The following DLGAP2 variants were observed in gnomAD, a reference collection of about 807,000 sequenced individuals.
DLGAP2 encodes DLG associated protein 2, also known as disks large-associated protein 2.
Under a neutral mutation model 100.3 loss-of-function variants are expected in DLGAP2, and 26 were observed. The observed-to-expected ratio is 0.26, with a 90% confidence interval of 0.19 to 0.36. The LOEUF (loss-of-function observed/expected upper bound fraction) is 0.36, where lower values mean the gene tolerates loss of function less well. Ranked by LOEUF, DLGAP2 falls within the 10% of genes least tolerant of loss-of-function variation. DLGAP2 has a pLI of 1.00. For synonymous variants in DLGAP2, 886 were observed against 630.1 expected, an observed-to-expected ratio of 1.41 and a Z score of -6.08; for missense variants, 1,858 against 1,453.2, an observed-to-expected ratio of 1.28 and a Z score of -4.53.
intron 2 of DLGAP2, among the ~76,000 whole-genome samples, chr8:1,173,268 ACG>A (rs1797171185): frequency 6.6e-6 from 1 of 152,094 alleles, no homozygotes; most frequent in African/African-American, 2.4e-5. Context: ...GTACCCGGCC[ACG>A]TGAGGTGTCA....
At chr8:1,257,238 C>T (rs75700374) in intron 2 of DLGAP2, among the ~76,000 whole-genome samples, 1,867 of 152,278 alleles carry the variant, frequency 0.012, 42 homozygotes, top group African/African-American at 0.041. Context: ...GCCACACACA[C>T]GGCTCCCAGG....
intron 3 of DLGAP2, among the ~76,000 whole-genome samples, chr8:1,434,523 C>G (rs566221049): frequency 1.3e-5 from 2 of 152,236 alleles, no homozygotes; most frequent in East Asian, 1.9e-4. Context: ...GTTTCCCAGC[C>G]TGGAGGGCAG....
At chr8:1,685,306 T>C (rs989463297) in intron 12 of DLGAP2, among the ~76,000 whole-genome samples, 2 of 152,188 alleles carry the variant, frequency 1.3e-5, no homozygotes, top group African/African-American at 4.8e-5. Context: ...TTGGCCCAGG[T>C]GGTATCAGAC....
intron 2 of DLGAP2, among the ~76,000 whole-genome samples, chr8:1,241,096 A>G (rs1349101954): frequency 1.1e-5 from 1 of 93,644 alleles, no homozygotes; most frequent in South Asian, 4.8e-4. Flanking sequence ...GTTCTCTCAC[A>G]TGGCGCCGTG....
intron 1 of DLGAP2, among the ~76,000 whole-genome samples, chr8:883,573 G>A (rs897323264): frequency 5.3e-5 from 8 of 151,712 alleles, no homozygotes; most frequent in Non-Finnish European, 8.8e-5. Flanking sequence ...ACACAGGTAC[G>A]CGTGTGCCGC....
chr8:745,960 TG>T (rs1332263751), intron 1 of DLGAP2, among the ~76,000 whole-genome samples: 2 of 152,222 alleles, frequency 1.3e-5, no homozygotes, highest in Non-Finnish European at 2.9e-5. Flanking sequence ...CACCTGCCTA[TG>T]GGGGTCCGCA....
At chr8:1,648,266 G>A (rs1798088259) in intron 8 of DLGAP2, among the ~76,000 whole-genome samples, 1 of 152,182 alleles carries the variant, frequency 6.6e-6, no homozygotes, top group African/African-American at 2.4e-5. Context: ...ATCGACTTGA[G>A]CCTTTTTCTG....
chr8:1,356,574 G>A (rs915021779), intron 3 of DLGAP2, among the ~76,000 whole-genome samples: 1 of 152,100 alleles, frequency 6.6e-6, no homozygotes, highest in Non-Finnish European at 1.5e-5. Flanking sequence ...TTACCCTGTG[G>A]CCCCCCAGGC....
At chr8:886,739 G>C (rs943746281) in intron 1 of DLGAP2, among the ~76,000 whole-genome samples, 1 of 152,184 alleles carries the variant, frequency 6.6e-6, no homozygotes, top group Non-Finnish European at 1.5e-5. Context: ...TGGAGAGACT[G>C]TTATGATTTC....
intron 1 of DLGAP2, among the ~76,000 whole-genome samples, chr8:884,912 T>G (rs1487062194): frequency 1.3e-5 from 2 of 152,232 alleles, no homozygotes; most frequent in Non-Finnish European, 2.9e-5. Context: ...TACTTGTTTT[T>G]GTCAGGTTTG....
At chr8:971,407 CAG>C (rs1454304656) in intron 2 of DLGAP2, among the ~76,000 whole-genome samples, 1 of 152,198 alleles carries the variant, frequency 6.6e-6, no homozygotes, top group Admixed American at 6.5e-5. Context: ...ATTGAGGTCA[CAG>C]GGCACGTGTT....
intron 2 of DLGAP2, among the ~76,000 whole-genome samples, chr8:1,162,917 C>T (rs1016658034): frequency 2.6e-5 from 4 of 152,178 alleles, no homozygotes; most frequent in African/African-American, 7.2e-5. Flanking sequence ...GCTTGTCCTC[C>T]GTTTGCTCAG....
At chr8:1,163,302 G>A (rs1349821176) in intron 2 of DLGAP2, among the ~76,000 whole-genome samples, 1 of 152,208 alleles carries the variant, frequency 6.6e-6, no homozygotes, top group Non-Finnish European at 1.5e-5. Flanking sequence ...GGGACCACGC[G>A]GGCTGTGCCG....
intron 2 of DLGAP2, among the ~76,000 whole-genome samples, chr8:1,248,133 T>C (rs372274744): frequency 3.1e-4 from 1 of 3,230 alleles, no homozygotes. Flanking sequence ...CGTCGGTGGC[T>C]GGGAAGACAT....
At chr8:887,973 C>T (rs2128994971) in intron 1 of DLGAP2, among the ~76,000 whole-genome samples, 1 of 152,268 alleles carries the variant, frequency 6.6e-6, no homozygotes, top group African/African-American at 2.4e-5. Flanking sequence ...AGTGTGTTTT[C>T]CAGCTTGTTT....
intron 1 of DLGAP2, among the ~76,000 whole-genome samples, chr8:864,293 G>C (rs1384792451): frequency 6.6e-6 from 1 of 152,118 alleles, no homozygotes; most frequent in African/African-American, 2.4e-5. Flanking sequence ...CTACAGGTGA[G>C]AATATCGTAC....
At chr8:1,407,244 CGGAG>C (rs1796586220) in intron 3 of DLGAP2, among the ~76,000 whole-genome samples, 2 of 31,786 alleles carry the variant, frequency 6.3e-5, no homozygotes, top group Non-Finnish European at 1.1e-4. Flanking sequence ...CCTTGTCCTC[CGGAG>C]TCGTGTATTG....
chr8:1,135,044 C>CT (rs147814594), intron 2 of DLGAP2, among the ~76,000 whole-genome samples: 1 of 152,262 alleles, frequency 6.6e-6, no homozygotes, highest in African/African-American at 2.4e-5. Flanking sequence ...TGATTCTATT[C>CT]TTTATTTTCT....
rs141523476 is a variant in DLGAP2, at chr8:1,515,475, C to T, written c.172+14044C>T. Among the ~76,000 whole-genome samples, 300 of 152,044 alleles carry T rather than the reference C, an allele frequency of 2.0e-3. 4 individuals carry two copies. In the South Asian group the frequency reaches 0.02, roughly 10 times the overall value. ...AGACATGAAAACAATTGTAGACATGCAAAAATATGCAGACAGAAATGTGCA... is the reference window on the plus strand; with the variant it reads ...AGACATGAAAACAATTGTAGACATGTAAAAATATGCAGACAGAAATGTGCA... On this transcript the variant is annotated intron_variant, in intron 4 of 14. Transcript: ENST00000637795.
Sources: gnomAD v4.1 joint callset for allele counts (sites outside exome capture counted in the v4.1 genomes callset) on GRCh38, gnomAD v4.1.1 for gene constraint, MANE v1.5 for transcripts, NCBI Gene and HGNC (gene_info 2026-07-23, HGNC 2026-07-21) for gene names.